LRRTM4: variants seen among roughly 807,000 people sequenced by gnomAD.
LRRTM4 encodes leucine-rich repeat transmembrane neuronal protein 4.
Under a neutral mutation model 47.6 loss-of-function variants are expected in LRRTM4, and 25 were observed. The ratio of observed to expected loss-of-function variants is 0.53; its 90% CI spans 0.38 to 0.73. LRRTM4 has a LOEUF of 0.73. Ranked by LOEUF, LRRTM4 falls within the 30% of genes least tolerant of loss-of-function variation. The pLI is 0.00. For synonymous variants in LRRTM4, 311 were observed against 269.5 expected (o/e 1.15, Z -1.51); for missense variants, 638 against 713.4 (o/e 0.89, Z 1.20).
chr2:77,454,250 T>C (rs998498582), intron 3 of LRRTM4, among the ~76,000 whole-genome samples: 6 of 152,228 alleles, frequency 3.9e-5, no homozygotes, highest in East Asian at 1.9e-4. Flanking sequence ...TATTCTTTAA[T>C]GAACACCCGT....
intron 3 of LRRTM4, among the ~76,000 whole-genome samples, chr2:76,824,491 T>C (rs1671138595): frequency 6.6e-6 from 1 of 151,638 alleles, no homozygotes; most frequent in Admixed American, 6.6e-5. Context: ...ATTTATTAAA[T>C]GAGTCAGCAG....
chr2:77,086,418 ATG>A (rs560996552), intron 3 of LRRTM4, among the ~76,000 whole-genome samples: 14 of 129,594 alleles, frequency 1.1e-4, no homozygotes, highest in South Asian at 1.0e-3. Context: ...TAGTGTGTGT[ATG>A]TGTGTGTATG....
At chr2:77,134,038 T>C (rs1396168182) in intron 3 of LRRTM4, among the ~76,000 whole-genome samples, 2 of 152,178 alleles carry the variant, frequency 1.3e-5, no homozygotes, top group African/African-American at 4.8e-5. Flanking sequence ...TAAAAAGCAC[T>C]TGAAAAGATT....
chr2:76,873,821 A>G (rs1174425097), intron 3 of LRRTM4, among the ~76,000 whole-genome samples: 2 of 151,838 alleles, frequency 1.3e-5, no homozygotes, highest in Non-Finnish European at 2.9e-5. Context: ...ATGCTAATGT[A>G]CTTAAACACA....
intron 3 of LRRTM4, among the ~76,000 whole-genome samples, chr2:77,016,164 G>A (rs1678061006): frequency 6.6e-6 from 1 of 152,034 alleles, no homozygotes; most frequent in Non-Finnish European, 1.5e-5. Context: ...AAGGAGGGCA[G>A]ATCAAGAGGT....
chr2:76,905,418 C>G (rs1055445358), intron 3 of LRRTM4, among the ~76,000 whole-genome samples: 16 of 152,148 alleles, frequency 1.1e-4, no homozygotes, highest in African/African-American at 3.9e-4. Flanking sequence ...AGCAGAAATA[C>G]TGGAAACTCT....
chr2:76,869,087 G>C (rs1672549530), intron 3 of LRRTM4, among the ~76,000 whole-genome samples: 1 of 152,114 alleles, frequency 6.6e-6, no homozygotes, highest in East Asian at 1.9e-4. Context: ...GAGGTGAGCA[G>C]ATCACGAGGT....
rs1573060777 is a variant in LRRTM4 at position 77,193,218 on chromosome 2, A to G, written c.1551+325100T>C. The stretch of plus-strand genomic sequence containing the variant: ...ATAGGAGCAATAGGCTAGACCATAT[A>G]GTCTAGGTGTGTAGCAGGCCATGCC... On this transcript the variant is annotated intron_variant, in intron 3 of 3. Transcript: ENST00000409884. Among the ~76,000 whole-genome samples the G allele has an allele frequency of 4.6e-5, 7 of 152,282 alleles. No individual in the cohort carries two copies. The South Asian group carries it at 1.4e-3, about 32-fold the overall frequency.
At chr2:77,218,531 T>TTTAG (rs1160890958) in intron 3 of LRRTM4, among the ~76,000 whole-genome samples, 1 of 151,662 alleles carries the variant, frequency 6.6e-6, no homozygotes, top group Admixed American at 6.6e-5. Flanking sequence ...TATTTATTTA[T>TTTAG]TTATTTATTT....
chr2:77,229,507 T>C (rs1352202862), intron 3 of LRRTM4, among the ~76,000 whole-genome samples: 1 of 152,124 alleles, frequency 6.6e-6, no homozygotes, highest in East Asian at 1.9e-4. Context: ...CTTTCCAATA[T>C]CATTAAATGG....
intron 3 of LRRTM4, among the ~76,000 whole-genome samples, chr2:77,360,821 T>C (rs1484015766): frequency 6.6e-6 from 1 of 152,174 alleles, no homozygotes; most frequent in East Asian, 1.9e-4. Flanking sequence ...GATACTCTTA[T>C]TCTATTACCT....
At chr2:76,955,187 T>C (rs1446727) in intron 3 of LRRTM4, among the ~76,000 whole-genome samples, 8 of 151,856 alleles carry the variant, frequency 5.3e-5, no homozygotes, top group Non-Finnish European at 1.2e-4. Context: ...AAAAATATGG[T>C]AATTCTGTAA....
intron 3 of LRRTM4, among the ~76,000 whole-genome samples, chr2:77,125,828 T>G (rs1245426600): frequency 6.6e-6 from 1 of 151,690 alleles, no homozygotes; most frequent in Non-Finnish European, 1.5e-5. Context: ...GAGCCCTAAA[T>G]TTAGTAATAA....
intron 3 of LRRTM4, among the ~76,000 whole-genome samples, chr2:77,297,952 G>A (rs570537795): frequency 3.9e-5 from 6 of 152,172 alleles, no homozygotes; most frequent in Admixed American, 3.9e-4. Context: ...TGTTTCCAAA[G>A]AAAATTTATA....
At chr2:76,806,932 T>C (rs568450809) in intron 3 of LRRTM4, among the ~76,000 whole-genome samples, 4 of 152,158 alleles carry the variant, frequency 2.6e-5, no homozygotes, top group Admixed American at 6.6e-5. Flanking sequence ...TATAAACTTA[T>C]GGCCATATAA....
At chr2:77,434,607 A>C (rs973260242) in intron 3 of LRRTM4, among the ~76,000 whole-genome samples, 1 of 152,226 alleles carries the variant, frequency 6.6e-6, no homozygotes, top group Non-Finnish European at 1.5e-5. Context: ...CCATTGGTAC[A>C]TAAAATTAAC....
chr2:76,807,459 CATATATATATACATAT>C (rs1390764299), intron 3 of LRRTM4, among the ~76,000 whole-genome samples: 54 of 85,594 alleles, frequency 6.3e-4, no homozygotes, highest in Admixed American at 1.1e-3. Context: ...TATATATATA[CATATATATATACATAT>C]ATATATATAT....
At chr2:77,332,630 A>G (rs1671012312) in intron 3 of LRRTM4, among the ~76,000 whole-genome samples, 1 of 152,210 alleles carries the variant, frequency 6.6e-6, no homozygotes, top group South Asian at 2.1e-4. Flanking sequence ...ATCAGATTAT[A>G]GCCCCAAATA....
At chr2:77,035,674 C>A (rs1046518748) in intron 3 of LRRTM4, among the ~76,000 whole-genome samples, 1 of 151,868 alleles carries the variant, frequency 6.6e-6, no homozygotes, top group African/African-American at 2.4e-5. Context: ...TTTCACTCAG[C>A]ATAATTCTCT....
Sources: allele counts gnomAD v4.1 joint callset (sites outside exome capture counted in the v4.1 genomes callset), GRCh38; gene constraint gnomAD v4.1.1; transcripts MANE v1.5; gene names NCBI Gene and HGNC (gene_info 2026-07-23, HGNC 2026-07-21).